Variants in DHX38 observed in about 807,000 individuals in gnomAD.
DHX38 encodes pre-mRNA-splicing factor ATP-dependent RNA helicase PRP16.
In DHX38, 100 loss-of-function variants were observed where a neutral mutation model predicts 153.1. The observed-to-expected ratio is 0.65, with a 90% CI of 0.56 to 0.77. DHX38 has a LOEUF of 0.77. DHX38 is among the 30% of genes least tolerant of loss of function. The pLI is 0.00. For synonymous variants in DHX38, 650 were observed against 631.7 expected (o/e 1.03, Z -0.43); for missense variants, 1,440 against 1,654.0 (o/e 0.87, Z 2.24).
chr16:72,097,714 G>A lies in DHX38; in HGVS notation c.549G>A (p.Glu183=). ...GAAGTAGGCACAGCAGCAGATCAGA[G>A]CGAGATGGAGGGTCAGAGCGTAGCA... ...RDRSRHSSRS[E]RDGGSERSSR... The change falls in exon 4 of 27, where the codon GAG becomes GAA. Residue 183 remains glutamate (E), a synonymous_variant. Transcript: ENST00000268482. 1.2e-6 allele frequency: 2 copies of A among 1,614,124 alleles called. No individual in the cohort carries two copies. The highest frequency in any genetic ancestry group is 8.5e-7 in the Non-Finnish European group (1 of 1,179,978).
intron 9 of DHX38, among the ~76,000 whole-genome samples, 187 bp from the exon 10 acceptor site, chr16:72,100,899 T>A (rs770083110): frequency 3.9e-5 from 6 of 152,050 alleles, no homozygotes; most frequent in Non-Finnish European, 8.8e-5. Flanking sequence ...TGCACTCCAG[T>A]CTGGGCGACA....
rs532648185 is a variant in DHX38 at position 72,098,908 on chromosome 16, C to T, written c.765-19C>T. On this transcript the variant is annotated intron_variant, in intron 5 of 26. Coordinates refer to ENST00000268482, the MANE Select transcript of DHX38 (RefSeq NM_014003.4). ...TTAGCTCAGTGACAGTTTTGTGATGCTGGTGCTGCTGTTCCCAGGTCTGTG... is the reference window on the plus strand; with the variant it reads ...TTAGCTCAGTGACAGTTTTGTGATGTTGGTGCTGCTGTTCCCAGGTCTGTG... 4 of 1,614,140 alleles carry T rather than the reference C, an allele frequency of 2.5e-6. No individual in the cohort carries two copies. In the African/African-American group the frequency reaches 4.0e-5, roughly 16 times the overall value.
In DHX38 at chr16:72,104,541, C is replaced by T. The variant is rs2042146362; in HGVS notation, c.2066C>T (p.Ala689Val). The change falls in exon 15 of 27, where the codon GCG becomes GTG. Residue 689 changes from alanine (A) to valine (V), a missense_variant. By Grantham distance (64) the Ala-to-Val change is moderately conservative. This residue lies in a region of DHX38 where 543 missense variants were observed against 717.9 expected (regional missense o/e 0.76). Coordinates refer to ENST00000268482, the MANE Select transcript of DHX38 (RefSeq NM_014003.4). The surrounding 1 kb of genome is among the most constrained non-coding windows in gnomAD (Gnocchi z 4.5). ...KLIVTSATMD[A>V]EKFAAFFGNV... Reference sequence around the variant, plus strand: ...ATCGTCACATCAGCCACGATGGATGCGGAGAAGTTTGCTGCCTTTTTTGGG... The same window carrying T: ...ATCGTCACATCAGCCACGATGGATGTGGAGAAGTTTGCTGCCTTTTTTGGG... 3 of 1,614,106 alleles carry T rather than the reference C, an allele frequency of 1.9e-6. No individual in the cohort carries two copies. The highest frequency in any genetic ancestry group is 1.7e-6 in the Non-Finnish European group (2 of 1,180,010).
In DHX38 at chr16:72,108,832, G is replaced by T. The variant is rs762206660; in HGVS notation, c.3288G>T (p.Gly1096=). Residue 1096 remains glycine, a synonymous_variant, in exon 24 of 27, where the codon GGG becomes GGT. Coordinates refer to ENST00000268482, the MANE Select transcript of DHX38 (RefSeq NM_014003.4). ...GIGEYVNIRT[G]MPCHLHPTSS... ...GGGAGTACGTGAACATCCGCACAGG[G>T]ATGCCCTGCCACTTGCACCCCACCA... 1.9e-6 allele frequency: 3 copies of T among 1,614,056 alleles called. No homozygotes were observed. Among genetic ancestry groups the T allele is most frequent in the Non-Finnish European group, 2.5e-6 (3 of 1,179,990 alleles).
At chr16:72,105,419 C>T in intron 17 of DHX38, 71 bp downstream of exon 17, 4 of 1,599,184 alleles carry the variant, frequency 2.5e-6, no homozygotes, top group Non-Finnish European at 3.4e-6. Flanking sequence ...ATGTGACTGT[C>T]CTGGCAGGGG....
intron 1 of DHX38, chr16:72,094,318 C>T (rs1270954352): frequency 2.0e-5 from 3 of 152,454 alleles, no homozygotes; most frequent in Non-Finnish European, 4.4e-5. Flanking sequence ...GTCCCTCTCC[C>T]AGGCCTCCGC....
At position 72,107,583 on chromosome 16, in the gene DHX38, G is replaced by T. The variant is rs760967040; in HGVS notation, c.2809+35G>T. Reference sequence around the variant, plus strand: ...CCCCGGGAGCCTCATGGGTGCTGGCGCTTGACTTCCTTCTTTCCTCTACTG... The same window carrying T: ...CCCCGGGAGCCTCATGGGTGCTGGCTCTTGACTTCCTTCTTTCCTCTACTG... On this transcript the variant is annotated intron_variant, in intron 20 of 26. Transcript: ENST00000268482. This position sits in a 1 kb window ranked among gnomAD's most constrained non-coding sequence, Gnocchi z 5.3. The T allele has an allele frequency of 6.2e-7, 1 of 1,609,304 alleles. No individual in the cohort carries two copies. Among genetic ancestry groups the T allele is most frequent in the Non-Finnish European group, 8.5e-7 (1 of 1,176,066 alleles).
intron 12 of DHX38, 42 bp from the exon 13 acceptor site, chr16:72,103,560 T>A: frequency 6.3e-7 from 1 of 1,581,408 alleles, no homozygotes; most frequent in Non-Finnish European, 8.7e-7. Flanking sequence ...GTGTTGGCCT[T>A]CCACTTCGGC....
chr16:72,109,310 G>C (rs1597449059), intron 24 of DHX38, 105 bp from the exon 25 acceptor site: 1 of 1,273,962 alleles, frequency 7.8e-7, no homozygotes, highest in East Asian at 2.6e-5. Context: ...CAGCCTTGCA[G>C]GGCCAGGGAT....
intron 26 of DHX38, 64 bp from the exon 27 acceptor site, chr16:72,112,349 C>T: frequency 6.6e-7 from 1 of 1,525,330 alleles, no homozygotes; most frequent in Non-Finnish European, 9.0e-7. Flanking sequence ...GCTCTGCATC[C>T]TCCTGCCCTC....
At chr16:72,111,998 A>G (rs991911622) in intron 26 of DHX38, among the ~76,000 whole-genome samples, 2 of 152,080 alleles carry the variant, frequency 1.3e-5, no homozygotes, top group Non-Finnish European at 2.9e-5. Flanking sequence ...CATTAGCATA[A>G]TCTCTCAAAC....
Position 72,104,422 on chromosome 16 carries a change from G to T in DHX38, c.2011-64G>T. ...GTGTTTCCTCGGGGGTGGTGCTGAT[G>T]GGACTGGGGGACAGGAGCCAAGGGT... On this transcript the variant is annotated intron_variant, in intron 14 of 26. Coordinates refer to ENST00000268482, the MANE Select transcript of DHX38 (RefSeq NM_014003.4). This position sits in a 1 kb window ranked among gnomAD's most constrained non-coding sequence, Gnocchi z 4.5. 6.3e-7 allele frequency: 1 copy of T among 1,597,614 alleles called. No homozygotes were observed. Among genetic ancestry groups the T allele is most frequent in the Non-Finnish European group, 8.5e-7 (1 of 1,174,528 alleles).
intron 3 of DHX38, chr16:72,097,219 G>C: frequency 2.0e-6 from 1 of 497,714 alleles, no homozygotes; most frequent in South Asian, 3.3e-5. Context: ...CCTTGAGTGT[G>C]TGGTCTTCGT....
At chr16:72,094,616 G>C (rs1231894210) in intron 1 of DHX38, among the ~76,000 whole-genome samples, 1 of 152,158 alleles carries the variant, frequency 6.6e-6, no homozygotes, top group Non-Finnish European at 1.5e-5. Context: ...TCCTTCTCAA[G>C]AATCTTGCTC....
intron 25 of DHX38, 44 bp from the exon 26 acceptor site, chr16:72,110,912 A>G: frequency 3.3e-6 from 5 of 1,534,770 alleles, no homozygotes; most frequent in Admixed American, 2.0e-5. Flanking sequence ...CTCCTTCCTT[A>G]GTGGTCCCCA....
chr16:72,108,748 C>T, intron 23 of DHX38, 52 bp from the exon 24 acceptor site: 2 of 1,601,872 alleles, frequency 1.2e-6, no homozygotes, highest in African/African-American at 1.3e-5. Flanking sequence ...GGGTCGCTGC[C>T]CAAATGGGTG....
Position 72,106,117 on chromosome 16 carries a change from G to C in DHX38, c.2600G>C (p.Arg867Thr), listed in dbSNP as rs994572951. The change falls in exon 19 of 27, where the codon AGG becomes ACG. Residue 867 changes from arginine (R) to threonine (T), a missense_variant and splice_region_variant. Coordinates refer to ENST00000268482, the MANE Select transcript of DHX38 (RefSeq NM_014003.4). ...AGGACGGGCCCAGGTCAGTGTTTCA[G>C]GTAGGAGCCCTGTGCTAGCCTGCTT... ...AGRTGPGQCF[R>T]LYTQSAYKNE... is the part of the protein sequence containing the mutation. The C allele has an allele frequency of 3.1e-6, 5 of 1,613,964 alleles. No individual in the cohort carries two copies. The highest frequency in any genetic ancestry group is 3.4e-6 in the Non-Finnish European group (4 of 1,180,020).
At chr16:72,097,275 A>G (rs2042034362) in intron 3 of DHX38, 3 of 418,018 alleles carry the variant, frequency 7.2e-6, no homozygotes, top group South Asian at 3.7e-5. Context: ...GTAAATATGT[A>G]TAAGAGACCA....
At chr16:72,109,672 A>G in intron 25 of DHX38, 162 bp downstream of exon 25, 2 of 576,896 alleles carry the variant, frequency 3.5e-6, no homozygotes, top group Non-Finnish European at 5.6e-6. Flanking sequence ...CCCACCACCC[A>G]CTCCAGTTGT....
Sources: gnomAD v4.1 joint callset for allele counts (sites outside exome capture counted in the v4.1 genomes callset) on GRCh38, gnomAD v4.1.1 for gene constraint, gnomAD v4.1.1 regional missense constraint, Gnocchi (gnomAD v3.1) non-coding constraint, MANE v1.5 for transcripts, NCBI Gene and HGNC (gene_info 2026-07-23, HGNC 2026-07-21) for gene names.